The following UTS2B variants were observed in gnomAD, a reference collection of about 807,000 sequenced individuals.
UTS2B encodes the protein urotensin-2B.
In UTS2B, 21 loss-of-function variants were observed where a neutral mutation model predicts 19.2. The observed-to-expected ratio is 1.09, with a 90% CI of 0.78 to 1.58. UTS2B has a LOEUF of 1.58. Ranked by LOEUF, UTS2B falls within the 40% of genes most tolerant of loss-of-function variation. The probability of loss-of-function intolerance (pLI) is 0.00; values close to 1 mark genes in which losing one functional copy is unlikely to be tolerated. For missense variants in UTS2B, 138 were observed against 130.3 expected (o/e 1.06, Z -0.29); for synonymous variants, 57 against 50.2 (o/e 1.14, Z -0.58).
At chr3:191,296,265 A>G (rs1716856164) in intron 4 of UTS2B, among the ~76,000 whole-genome samples, 1 of 144,582 alleles carries the variant, frequency 6.9e-6, no homozygotes, top group Non-Finnish European at 1.6e-5. Flanking sequence ...ACACACACTC[A>G]CACACACACA....
intron 4 of UTS2B, among the ~76,000 whole-genome samples, chr3:191,300,364 T>C (rs1234456346): frequency 2.0e-5 from 3 of 152,258 alleles, no homozygotes; most frequent in Admixed American, 6.5e-5. Flanking sequence ...CCCTTTCTTT[T>C]GGCCAATTTA....
chr3:191,317,318 C>A (rs1284754753), intron 2 of UTS2B, among the ~76,000 whole-genome samples: 1 of 152,208 alleles, frequency 6.6e-6, no homozygotes, highest in Non-Finnish European at 1.5e-5. Context: ...CAAGCCTGTA[C>A]CCACCTGGAA....
chr3:191,308,527 G>T (rs1243188501), intron 3 of UTS2B, among the ~76,000 whole-genome samples: 1 of 152,126 alleles, frequency 6.6e-6, no homozygotes, highest in Non-Finnish European at 1.5e-5. Flanking sequence ...TCTCAATCTT[G>T]CAATTATTGA....
chr3:191,329,616 C>G (rs1350403259), intron 1 of UTS2B: 2 of 1,562,222 alleles, frequency 1.3e-6, no homozygotes, highest in African/African-American at 1.4e-5. Flanking sequence ...GGGCCCCGCT[C>G]GGCGCCGGCG....
intron 8 of UTS2B, among the ~76,000 whole-genome samples, chr3:191,273,232 A>G (rs1012701794): frequency 7.2e-5 from 11 of 152,210 alleles, no homozygotes; most frequent in African/African-American, 2.7e-4. Flanking sequence ...AAAGCCTGTT[A>G]TTTGTGCTGC....
intron 4 of UTS2B, among the ~76,000 whole-genome samples, chr3:191,288,602 C>T (rs1047331728): frequency 7.2e-5 from 11 of 152,028 alleles, no homozygotes; most frequent in Admixed American, 2.6e-4. Context: ...CCTTATTCCA[C>T]GCTATATGCA....
At chr3:191,344,811 T>C in the UTS2B span, among the ~76,000 whole-genome samples, 1 of 152,304 alleles carries the variant, frequency 6.6e-6, no homozygotes, top group South Asian at 2.1e-4. Context: ...ACTCGGGAGC[T>C]CAGGCATTCT....
chr3:191,323,145 T>TTTTATGTTATTTTATTTA (rs149096213), intron 2 of UTS2B, among the ~76,000 whole-genome samples: 3 of 148,770 alleles, frequency 2.0e-5, no homozygotes, highest in African/African-American at 5.0e-5. Context: ...TTTTATTTTA[T>TTTTATGTTATTTTATTTA]TTTATTTATT....
chr3:191,327,288 G>A (rs1441848099), intron 2 of UTS2B, among the ~76,000 whole-genome samples: 1 of 152,174 alleles, frequency 6.6e-6, no homozygotes, highest in African/African-American at 2.4e-5. Context: ...TTGAGGCCAG[G>A]AGTTCCAGAC....
At chr3:191,328,910 A>G (rs1000255227) in intron 1 of UTS2B, 1 of 152,202 alleles carries the variant, frequency 6.6e-6, no homozygotes, top group Admixed American at 6.5e-5. Flanking sequence ...CCAGAATTTT[A>G]TCAGCTGCTC....
chr3:191,269,597 C>A (rs1382491697), intron 8 of UTS2B, among the ~76,000 whole-genome samples: 1 of 151,808 alleles, frequency 6.6e-6, no homozygotes, highest in East Asian at 1.9e-4. Context: ...TAGAGTGCTA[C>A]AGCTTCAAGT....
At chr3:191,275,766 A>C (rs1304670005) in intron 7 of UTS2B, among the ~76,000 whole-genome samples, 1 of 152,060 alleles carries the variant, frequency 6.6e-6, no homozygotes, top group Admixed American at 6.5e-5. Flanking sequence ...AAAAAGAGAG[A>C]AAATGGATGA....
At chr3:191,317,346 G>T (rs1339719535) in intron 2 of UTS2B, among the ~76,000 whole-genome samples, 1 of 152,216 alleles carries the variant, frequency 6.6e-6, no homozygotes, top group Non-Finnish European at 1.5e-5. Context: ...TAGCCCGCAA[G>T]CAGCACGCGC....
At chr3:191,279,403 A>G (rs1716321573) in intron 5 of UTS2B, among the ~76,000 whole-genome samples, 1 of 152,026 alleles carries the variant, frequency 6.6e-6, no homozygotes, top group African/African-American at 2.4e-5. Flanking sequence ...TATTTTAATC[A>G]TTCATTAAAA....
chr3:191,280,431 G>A (rs2108573982), intron 5 of UTS2B, among the ~76,000 whole-genome samples: 1 of 152,224 alleles, frequency 6.6e-6, no homozygotes. Context: ...TGTGTCAGCA[G>A]ATAAATGCTT....
intron 4 of UTS2B, among the ~76,000 whole-genome samples, chr3:191,283,600 A>C (rs1310803004): frequency 2.0e-5 from 3 of 152,198 alleles, no homozygotes; most frequent in Admixed American, 2.0e-4. Flanking sequence ...TTCTGTCCCT[A>C]TGTGCAAGTA....
At chr3:191,282,560 C>T (rs10937468) in intron 4 of UTS2B, among the ~76,000 whole-genome samples, 83,202 of 151,906 alleles carry the variant, frequency 0.55, 23,388 homozygotes, top group Middle Eastern at 0.64. Flanking sequence ...TGGATTTTCA[C>T]AATTTATGGT....
upstream of UTS2B, among the ~76,000 whole-genome samples, chr3:191,333,461 G>A (rs1258648859): frequency 6.6e-6 from 1 of 152,146 alleles, no homozygotes; most frequent in East Asian, 1.9e-4. Flanking sequence ...TAAACAGATG[G>A]CAGTGTCCAT....
chr3:191,284,586 A>C (rs2124079), intron 4 of UTS2B, among the ~76,000 whole-genome samples: 1 of 149,862 alleles, frequency 6.7e-6, no homozygotes, highest in East Asian at 2.1e-4. Context: ...CCTCCCAAAG[A>C]GCTGGTATTA....
Sources: gnomAD v4.1 joint callset for allele counts (sites outside exome capture counted in the v4.1 genomes callset) on GRCh38, gnomAD v4.1.1 for gene constraint, MANE v1.5 for transcripts, NCBI Gene and HGNC (gene_info 2026-07-23, HGNC 2026-07-21) for gene names.